The following COL11A1 variants were observed in gnomAD, a reference collection of about 807,000 sequenced individuals.
The protein encoded by COL11A1 is collagen alpha-1(XI) chain.
In COL11A1, 74 loss-of-function variants were observed where a neutral mutation model predicts 265.2. The observed-to-expected ratio is 0.28, with a 90% CI of 0.23 to 0.34. The LOEUF (loss-of-function observed/expected upper bound fraction) is 0.34, where lower values mean the gene tolerates loss of function less well. Among genes scored for constraint, COL11A1 ranks in the 10% least tolerant of loss-of-function variants. The probability of loss-of-function intolerance (pLI) is 1.00; values close to 1 mark genes in which losing one functional copy is unlikely to be tolerated. For synonymous variants in COL11A1, 816 were observed against 727.6 expected, an observed-to-expected ratio of 1.12 and a Z score of -1.96; for missense variants, 2,165 against 2,263.6, an observed-to-expected ratio of 0.96 and a Z score of 0.88.
chr1:102,924,900 G>C (rs941584235), intron 46 of COL11A1, among the ~76,000 whole-genome samples: 6 of 151,912 alleles, frequency 3.9e-5, no homozygotes, highest in African/African-American at 1.4e-4. Flanking sequence ...CTAATTATCA[G>C]ACAAATAGCA....
At chr1:103,100,541 C>G (rs1261026451) in intron 1 of COL11A1, 1 of 152,426 alleles carries the variant, frequency 6.6e-6, no homozygotes, top group African/African-American at 2.4e-5. Context: ...GAAGAGCTAT[C>G]TGGATTCTAA....
chr1:102,880,930 T>G (rs886390267), intron 65 of COL11A1, among the ~76,000 whole-genome samples: 2 of 152,046 alleles, frequency 1.3e-5, no homozygotes, highest in African/African-American at 4.8e-5. Flanking sequence ...TATGGATATT[T>G]AATATGCAAC....
chr1:103,061,771 T>A (rs1274362171), intron 4 of COL11A1, among the ~76,000 whole-genome samples: 2 of 151,884 alleles, frequency 1.3e-5, no homozygotes, highest in African/African-American at 4.8e-5. Context: ...TGTCTAAGCT[T>A]CTATCCTAAG....
intron 41 of COL11A1, chr1:102,961,598 A>C: frequency 2.7e-6 from 1 of 371,200 alleles, no homozygotes; most frequent in South Asian, 3.1e-5. Context: ...ACTCATAATG[A>C]GGATTTATTT....
chr1:102,926,077 T>A (rs1215700584), intron 46 of COL11A1, among the ~76,000 whole-genome samples: 12 of 151,948 alleles, frequency 7.9e-5, no homozygotes, highest in East Asian at 1.9e-4. Flanking sequence ...TAGAAAAAAA[T>A]TTATTTATTT....
Position 102,936,044 on chromosome 1 carries a change from C to T in COL11A1, c.3439-931G>A, listed in dbSNP as rs184327477. ...TAATAGCATTAATTGTATTTTACCA[C>T]GATATACTTTCAATCAACACAAAAA... On this transcript the variant is annotated intron_variant, in intron 44 of 66. Coordinates refer to ENST00000370096, the MANE Select transcript of COL11A1 (RefSeq NM_001854.4). Among the ~76,000 whole-genome samples the T allele has an allele frequency of 7.2e-5, 11 of 152,076 alleles. No individual in the cohort carries two copies. The East Asian group carries it at 1.2e-3, about 16-fold the overall frequency.
intron 1 of COL11A1, among the ~76,000 whole-genome samples, chr1:103,107,005 T>G (rs1426978584): frequency 6.6e-6 from 1 of 152,130 alleles, no homozygotes; most frequent in African/African-American, 2.4e-5. Context: ...AAAGCTTGCT[T>G]TCTACTCTAA....
At chr1:103,027,333 ATAAC>A (rs1464006483) in intron 5 of COL11A1, among the ~76,000 whole-genome samples, 3 of 147,466 alleles carry the variant, frequency 2.0e-5, no homozygotes, top group Admixed American at 6.8e-5. Flanking sequence ...TTTAATAAAA[ATAAC>A]TAAATACACT....
intron 54 of COL11A1, among the ~76,000 whole-genome samples, chr1:102,908,953 A>C: frequency 6.6e-6 from 1 of 152,278 alleles, no homozygotes; most frequent in East Asian, 1.9e-4. Flanking sequence ...TTTATATCTA[A>C]AGAAAAATTT....
intron 4 of COL11A1, among the ~76,000 whole-genome samples, chr1:103,041,725 G>A (rs940474949): frequency 4.0e-5 from 6 of 151,752 alleles, no homozygotes; most frequent in Middle Eastern, 6.8e-3. Flanking sequence ...ATTATGTTTT[G>A]GTGTCAAATG....
At chr1:103,103,464 A>G (rs1304769690) in intron 1 of COL11A1, among the ~76,000 whole-genome samples, 1 of 152,014 alleles carries the variant, frequency 6.6e-6, no homozygotes, top group Non-Finnish European at 1.5e-5. Flanking sequence ...ATGTAATCTT[A>G]TAAAATGACA....
At chr1:103,083,005 T>C (rs756166277) in intron 1 of COL11A1, 33 bp from the exon 2 acceptor site, 36 of 1,598,520 alleles carry the variant, frequency 2.3e-5, no homozygotes, top group Non-Finnish European at 3.0e-5. Context: ...AAAACCAGAA[T>C]TGAACAACGA....
chr1:103,003,114 G>T, intron 21 of COL11A1, 101 bp downstream of exon 21: 2 of 1,143,128 alleles, frequency 1.7e-6, no homozygotes, highest in South Asian at 1.3e-5. Context: ...AACATAACAA[G>T]GCAATAAACT....
chr1:102,877,821 A>C lies in COL11A1; in HGVS notation c.*198T>G. 1.9e-6 allele frequency: 1 copy of C among 537,398 alleles called. No individual in the cohort carries two copies. Among genetic ancestry groups the C allele is most frequent in the Non-Finnish European group, 3.3e-6 (1 of 300,342 alleles). The allele number at this position is 537,398 out of a possible 1,614,324, so 33.3% of individuals were successfully genotyped here. On this transcript the variant is annotated 3_prime_UTR_variant, in exon 67 of 67. Transcript: ENST00000370096. ...GCCCTGTTTCCATCTTAGCCACACC[A>C]ACTTATATCTTTATGATTTTCAAAG...
At position 102,914,610 on chromosome 1, in the gene COL11A1, T is replaced by C. The variant is rs138811537; in HGVS notation, c.3924+94A>G. 2,042 of 1,021,380 alleles carry C rather than the reference T, an allele frequency of 2.0e-3. 30 individuals are homozygous for C. The African/African-American group carries it at 0.029, about 15-fold the overall frequency. 63.3% of individuals were successfully genotyped at this position (1,021,380 alleles called of 1,614,324 possible). Reference sequence around the variant, plus strand: ...GATGAAAAGTCAGATTTACCATCTATGTTCCAGAGTCTCAGGATTTCAAAT... The same window carrying C: ...GATGAAAAGTCAGATTTACCATCTACGTTCCAGAGTCTCAGGATTTCAAAT... On this transcript the variant is annotated intron_variant, in intron 51 of 66. Transcript: ENST00000370096.
At chr1:102,897,810 G>A (rs1413812872) in intron 57 of COL11A1, among the ~76,000 whole-genome samples, 1 of 152,118 alleles carries the variant, frequency 6.6e-6, no homozygotes, top group Non-Finnish European at 1.5e-5. Flanking sequence ...GAAAATAAGT[G>A]TAACTGCAAA....
intron 7 of COL11A1, 85 bp from the exon 8 acceptor site, chr1:103,023,081 G>A (rs1023676721): frequency 1.5e-5 from 21 of 1,428,774 alleles, no homozygotes; most frequent in Non-Finnish European, 1.8e-5. Flanking sequence ...CAATTTGATA[G>A]CGTGTGATGG....
intron 28 of COL11A1, among the ~76,000 whole-genome samples, chr1:102,994,437 G>A (rs996205820): frequency 2.6e-5 from 4 of 152,014 alleles, no homozygotes; most frequent in Non-Finnish European, 5.9e-5. Context: ...TCCTGCTCCT[G>A]CTCCCAGCAC....
intron 4 of COL11A1, among the ~76,000 whole-genome samples, chr1:103,037,255 TGTGTGTG>T (rs1557979318): frequency 0.17 from 4,440 of 26,030 alleles, 94 homozygotes; most frequent in African/African-American, 0.2. Context: ...ATTTAGATTG[TGTGTGTG>T]TGTGTGTGTG....
Sources: allele counts gnomAD v4.1 joint callset (sites outside exome capture counted in the v4.1 genomes callset), GRCh38; gene constraint gnomAD v4.1.1; transcripts MANE v1.5; gene names NCBI Gene and HGNC (gene_info 2026-07-23, HGNC 2026-07-21).